Variants in EML4 observed in about 807,000 individuals in gnomAD.
The protein encoded by EML4 is EMAP like 4, also known as echinoderm microtubule-associated protein-like 4.
In EML4, 72 loss-of-function variants were observed where a neutral mutation model predicts 129.0. That is an observed-to-expected ratio of 0.56 (90% CI 0.46 to 0.68). EML4 has a LOEUF of 0.68. Among genes scored for constraint, EML4 ranks in the 30% least tolerant of loss-of-function variants. EML4 has a pLI of 0.00. For synonymous variants in EML4, 532 were observed against 405.0 expected, an observed-to-expected ratio of 1.31 and a Z score of -3.77; for missense variants, 1,363 against 1,190.6, an observed-to-expected ratio of 1.14 and a Z score of -2.13.
chr2:42,264,957 A>C (rs1444545652), intron 6 of EML4: 2 of 1,550,334 alleles, frequency 1.3e-6, no homozygotes, highest in South Asian at 2.4e-5. Flanking sequence ...CCAAGGTAAG[A>C]ATAAGCTACG....
intron 2 of EML4, among the ~76,000 whole-genome samples, chr2:42,248,407 A>T (rs1480637899): frequency 6.6e-6 from 1 of 152,224 alleles, no homozygotes; most frequent in East Asian, 1.9e-4. Flanking sequence ...ACAGTATTTT[A>T]TATGACACAT....
At chr2:42,214,013 ATAT>A (rs1443337369) in intron 1 of EML4, among the ~76,000 whole-genome samples, 3 of 152,216 alleles carry the variant, frequency 2.0e-5, no homozygotes, top group East Asian at 3.8e-4. Flanking sequence ...TGTATATCAA[ATAT>A]TATGGTAAAC....
intron 17 of EML4, among the ~76,000 whole-genome samples, chr2:42,309,145 C>A (rs149202105): frequency 2.0e-4 from 31 of 152,140 alleles, no homozygotes; most frequent in Admixed American, 5.9e-4. Flanking sequence ...ATGGCTCACA[C>A]CTGTAATCCC....
intron 2 of EML4, among the ~76,000 whole-genome samples, chr2:42,251,720 TA>T (rs1381372730): frequency 6.6e-6 from 1 of 152,228 alleles, no homozygotes; most frequent in Admixed American, 6.5e-5. Context: ...GAATTCAAGA[TA>T]AATAGAAGAT....
chr2:42,313,829 T>C (rs374646523), intron 17 of EML4, among the ~76,000 whole-genome samples: 4 of 151,840 alleles, frequency 2.6e-5, no homozygotes, highest in South Asian at 4.1e-4. Flanking sequence ...CTTGGGAGGC[T>C]GAGACACGAG....
chr2:42,253,317 A>C (rs935867832), intron 2 of EML4, among the ~76,000 whole-genome samples: 2 of 152,332 alleles, frequency 1.3e-5, no homozygotes, highest in Non-Finnish European at 2.9e-5. Flanking sequence ...GAGGACTGAC[A>C]GGCAGATTTA....
chr2:42,288,088 C>A (rs997592650), intron 10 of EML4, 139 bp from the exon 11 acceptor site: 1 of 424,712 alleles, frequency 2.4e-6, no homozygotes, highest in Non-Finnish European at 4.2e-6. Flanking sequence ...ATAGTGTATT[C>A]ATTATGTTTC....
At position 42,256,616 on chromosome 2, in the gene EML4, A is replaced by G; in HGVS notation, c.324A>G (p.Ser108=). ...AVSIAGKETL[S]SAAKSGTEKK... The stretch of plus-strand genomic sequence containing the variant: ...CAATTGCAGGAAAAGAAACTCTTTC[A>G]TCTGCTGCTAAAAGGTACCCATTTA... Residue 108 remains serine (S), a synonymous_variant, in exon 3 of 23, where the codon TCA becomes TCG. Transcript: ENST00000318522. 1 of 1,613,788 alleles carries G rather than the reference A, an allele frequency of 6.2e-7. No homozygotes were observed. Among genetic ancestry groups the G allele is most frequent in the East Asian group, 2.2e-5 (1 of 44,864 alleles).
chr2:42,213,151 C>G (rs532517283), intron 1 of EML4, among the ~76,000 whole-genome samples: 2 of 152,318 alleles, frequency 1.3e-5, no homozygotes, highest in East Asian at 3.9e-4. Flanking sequence ...TAATTGAAGT[C>G]TACCTTAACG....
intron 11 of EML4, among the ~76,000 whole-genome samples, chr2:42,294,812 C>T (rs1186574171): frequency 1.3e-5 from 2 of 152,066 alleles, no homozygotes; most frequent in Non-Finnish European, 2.9e-5. Context: ...AAAGAATGTA[C>T]ATTGCTCTTA....
chr2:42,303,227 C>A lies in EML4; in HGVS notation c.1765C>A (p.Gln589Lys). The A allele has an allele frequency of 6.2e-7, 1 of 1,614,098 alleles. No homozygotes were observed. Among genetic ancestry groups the A allele is most frequent in the Non-Finnish European group, 8.5e-7 (1 of 1,180,014 alleles). ...TFNDGFQIEVQGHTDELWGLA... is the reference protein window; with the variant it reads ...TFNDGFQIEVKGHTDELWGLA... ...TAATGATGGCTTCCAAATAGAAGTA[C>A]AGGTAAGCTGTGTGATATTAACCGT... The change falls in exon 15 of 23, where the codon CAG becomes AAG. Residue 589 changes from glutamine to lysine, a missense_variant and splice_region_variant. By Grantham distance (53) the Gln-to-Lys change is moderately conservative. Coordinates refer to ENST00000318522, the MANE Select transcript of EML4 (RefSeq NM_019063.5).
intron 1 of EML4, among the ~76,000 whole-genome samples, chr2:42,173,138 T>A (rs58962161): frequency 0.23 from 34,588 of 152,158 alleles, 5,392 homozygotes; most frequent in African/African-American, 0.45. Context: ...TTATGGACTA[T>A]TCAGAAATTA....
chr2:42,303,721 C>G (rs545445691), intron 16 of EML4, among the ~76,000 whole-genome samples: 1 of 152,092 alleles, frequency 6.6e-6, no homozygotes, highest in Non-Finnish European at 1.5e-5. Flanking sequence ...GTCAGGAGAT[C>G]GAGACCATCC....
At chr2:42,285,313 A>G (rs1399750003) in intron 9 of EML4, among the ~76,000 whole-genome samples, 2 of 152,144 alleles carry the variant, frequency 1.3e-5, no homozygotes, top group East Asian at 1.9e-4. Context: ...CCTTATTTCT[A>G]AGGATCAACA....
At chr2:42,299,359 A>G (rs1180798741) in intron 13 of EML4, among the ~76,000 whole-genome samples, 1 of 152,234 alleles carries the variant, frequency 6.6e-6, no homozygotes, top group Non-Finnish European at 1.5e-5. Context: ...AAAAAAGAAC[A>G]ATCTCAGTAA....
At chr2:42,197,185 C>T (rs915042656) in intron 1 of EML4, among the ~76,000 whole-genome samples, 2 of 152,070 alleles carry the variant, frequency 1.3e-5, no homozygotes, top group Non-Finnish European at 2.9e-5. Flanking sequence ...ATCTCAGATT[C>T]CCGAGTGGCT....
At chr2:42,201,682 A>T (rs1397203407) in intron 1 of EML4, among the ~76,000 whole-genome samples, 2 of 152,212 alleles carry the variant, frequency 1.3e-5, no homozygotes, top group Non-Finnish European at 2.9e-5. Context: ...CACAACATGG[A>T]TGAACCTAGA....
At chr2:42,271,906 C>T (rs548788068) in intron 6 of EML4, among the ~76,000 whole-genome samples, 12 of 152,048 alleles carry the variant, frequency 7.9e-5, no homozygotes, top group African/African-American at 2.7e-4. Flanking sequence ...AGTTTGAGAC[C>T]AGCCTGGCCA....
At chr2:42,228,807 G>C (rs1674140056) in intron 1 of EML4, among the ~76,000 whole-genome samples, 1 of 152,028 alleles carries the variant, frequency 6.6e-6, no homozygotes, top group Admixed American at 6.6e-5. Flanking sequence ...CACAATGCTT[G>C]CTAGGGTTAG....
Sources: gnomAD v4.1 joint callset for allele counts (sites outside exome capture counted in the v4.1 genomes callset) on GRCh38, gnomAD v4.1.1 for gene constraint, MANE v1.5 for transcripts, NCBI Gene and HGNC (gene_info 2026-07-23, HGNC 2026-07-21) for gene names.